The following PVT1 variants were observed in gnomAD, a reference collection of about 807,000 sequenced individuals.
PVT1 encodes CXCR4/PVT1 fusion.
intron 3 of PVT1, among the ~76,000 whole-genome samples, chr8:127,970,303 T>TTTTTG (rs1816751114): frequency 7.9e-6 from 1 of 126,654 alleles, no homozygotes. Flanking sequence ...TTTTTTTTTT[T>TTTTTG]TTTTTTTTTT....
chr8:127,997,398 G>A (rs1053344438), intron 4 of PVT1, among the ~76,000 whole-genome samples: 4 of 152,082 alleles, frequency 2.6e-5, no homozygotes, highest in African/African-American at 7.2e-5. Flanking sequence ...GGGCCTGGAT[G>A]GCCGCCATAG....
intron 3 of PVT1, among the ~76,000 whole-genome samples, chr8:127,911,540 C>T (rs576653826): frequency 9.8e-5 from 15 of 152,336 alleles, no homozygotes; most frequent in Non-Finnish European, 1.6e-4. Flanking sequence ...GAGGAGATGG[C>T]AGCTCTAATA....
intron 4 of PVT1, among the ~76,000 whole-genome samples, chr8:128,032,904 G>C (rs1223738278): frequency 6.6e-6 from 1 of 152,226 alleles, no homozygotes; most frequent in Admixed American, 6.5e-5. Flanking sequence ...TCTTTTGCTA[G>C]CACTCCATTG....
intron 2 of PVT1, among the ~76,000 whole-genome samples, chr8:127,884,783 A>G (rs1029016140): frequency 6.6e-6 from 1 of 152,264 alleles, no homozygotes; most frequent in Non-Finnish European, 1.5e-5. Flanking sequence ...GTACAATGCC[A>G]CACATTGTGT....
At chr8:128,034,830 C>T in intron 4 of PVT1, among the ~76,000 whole-genome samples, 1 of 152,152 alleles carries the variant, frequency 6.6e-6, no homozygotes, top group Non-Finnish European at 1.5e-5. Context: ...GGTTTGAATC[C>T]CTGCTCTGCC....
chr8:127,961,028 GGGTGCCATA>G (rs1773968327), intron 3 of PVT1, among the ~76,000 whole-genome samples: 1 of 152,080 alleles, frequency 6.6e-6, no homozygotes, highest in Non-Finnish European at 1.5e-5. Flanking sequence ...TGGGGACACA[GGGTGCCATA>G]GGCACACAGA....
chr8:128,058,330 G>C (rs1813786443), intron 4 of PVT1, among the ~76,000 whole-genome samples: 1 of 152,046 alleles, frequency 6.6e-6, no homozygotes, highest in South Asian at 2.1e-4. Context: ...CAGAAAAAGT[G>C]AAAAACCCTT....
intron 4 of PVT1, among the ~76,000 whole-genome samples, chr8:128,033,078 A>C (rs1194739787): frequency 6.6e-6 from 1 of 152,192 alleles, no homozygotes; most frequent in Admixed American, 6.5e-5. Flanking sequence ...ATGTCATCTC[A>C]ACTGTCCCTC....
chr8:128,077,012 A>G (rs1814099958), intron 5 of PVT1, among the ~76,000 whole-genome samples: 1 of 152,188 alleles, frequency 6.6e-6, no homozygotes, highest in Admixed American at 6.5e-5. Flanking sequence ...GAGGCTCAGG[A>G]CCACAGAGGT....
intron 3 of PVT1, among the ~76,000 whole-genome samples, chr8:127,958,248 C>CT (rs376496471): frequency 7.3e-5 from 11 of 150,850 alleles, no homozygotes; most frequent in South Asian, 2.1e-4. Flanking sequence ...TCTTTTCTTT[C>CT]TTTTTTTTTG....
At chr8:128,039,065 G>A (rs943440431) in intron 4 of PVT1, among the ~76,000 whole-genome samples, 3 of 152,154 alleles carry the variant, frequency 2.0e-5, no homozygotes, top group African/African-American at 7.2e-5. Context: ...CTCAGCACCA[G>A]GTGCCCCTCC....
At chr8:127,849,227 G>T (rs1815075836) in intron 2 of PVT1, among the ~76,000 whole-genome samples, 1 of 152,150 alleles carries the variant, frequency 6.6e-6, no homozygotes, top group African/African-American at 2.4e-5. Context: ...GGCAGACCCT[G>T]GCTGAGGCTG....
chr8:127,990,359 G>C (rs1161858253), intron 4 of PVT1, among the ~76,000 whole-genome samples: 4 of 152,178 alleles, frequency 2.6e-5, no homozygotes, highest in Non-Finnish European at 5.9e-5. Flanking sequence ...CACAGGATCT[G>C]GCATAGTGCC....
chr8:127,823,851 T>G (rs973516997), intron 2 of PVT1, among the ~76,000 whole-genome samples: 4 of 152,262 alleles, frequency 2.6e-5, no homozygotes, highest in Non-Finnish European at 5.9e-5. Flanking sequence ...TCACATGTCC[T>G]TTGTGTTCAG....
At chr8:127,954,032 C>T (rs1235660167) in intron 3 of PVT1, among the ~76,000 whole-genome samples, 1 of 152,162 alleles carries the variant, frequency 6.6e-6, no homozygotes, top group Non-Finnish European at 1.5e-5. Context: ...AGCAGTAAGG[C>T]ACAACCATAT....
chr8:127,979,672 T>A (rs1816861358), intron 3 of PVT1, among the ~76,000 whole-genome samples: 1 of 152,140 alleles, frequency 6.6e-6, no homozygotes, highest in African/African-American at 2.4e-5. Flanking sequence ...TCCTTCAGAA[T>A]TGTCCTGAAT....
At chr8:127,810,267 A>T (rs1381232934) in intron 2 of PVT1, among the ~76,000 whole-genome samples, 1 of 152,254 alleles carries the variant, frequency 6.6e-6, no homozygotes, top group Non-Finnish European at 1.5e-5. Context: ...TACTTTCTGC[A>T]TTAGGAAGAC....
chr8:127,898,970 A>C lies in PVT1; in HGVS notation n.782+7972A>C, dbSNP rs1815724798. ...CGTTGACTTATCTGGCTCCAACCGA[A>C]GAACAGCTGTTGGTGGTCAGGTCTC... On this transcript the variant is annotated intron_variant and non_coding_transcript_variant, in intron 3 of 10. Coordinates refer to ENST00000651587, the Ensembl canonical transcript of PVT1. The surrounding 1 kb of genome is among the most constrained non-coding windows in gnomAD (Gnocchi z 4.4). 6.6e-6 allele frequency among the ~76,000 whole-genome samples: 1 copy of C among 152,106 alleles called. No individual in the cohort carries two copies. Among genetic ancestry groups the C allele is most frequent in the Non-Finnish European group, 1.5e-5 (1 of 68,010 alleles).
At chr8:128,085,729 C>G (rs1814247999) in intron 5 of PVT1, among the ~76,000 whole-genome samples, 1 of 152,092 alleles carries the variant, frequency 6.6e-6, no homozygotes, top group Non-Finnish European at 1.5e-5. Context: ...TACTGTATGC[C>G]ACTGGTTGTA....
Sources: allele counts gnomAD v4.1 joint callset (sites outside exome capture counted in the v4.1 genomes callset), GRCh38; gene constraint gnomAD v4.1.1; non-coding constraint Gnocchi (gnomAD v3.1); transcripts MANE v1.5; gene names NCBI Gene and HGNC (gene_info 2026-07-23, HGNC 2026-07-21).